Variants in PCDH11X observed in about 807,000 individuals in gnomAD.
PCDH11X encodes protocadherin 11 X-linked.
A neutral mutation model predicts 53.3 loss-of-function variants in PCDH11X; 18 were observed. The ratio of observed to expected loss-of-function variants is 0.34; its 90% CI spans 0.23 to 0.50. The LOEUF is 0.50. Among genes scored for constraint, PCDH11X ranks in the 20% least tolerant of loss-of-function variants. The probability of loss-of-function intolerance (pLI) is 0.98; values close to 1 mark genes in which losing one functional copy is unlikely to be tolerated. For synonymous variants in PCDH11X, 279 were observed against 393.3 expected, an observed-to-expected ratio of 0.71 and a Z score of 3.44; for missense variants, 570 against 1,032.4, an observed-to-expected ratio of 0.55 and a Z score of 6.14.
At chrX:91,983,750 G>T (rs1231372387) in intron 6 of PCDH11X, among the ~76,000 whole-genome samples, 1 of 111,471 alleles carries the variant, frequency 9.0e-6, no homozygotes, top group East Asian at 2.8e-4. Flanking sequence ...GATGAGATTT[G>T]GGTGGGGACA....
chrX:92,022,866 C>T (rs1370725853), intron 6 of PCDH11X, among the ~76,000 whole-genome samples: 1 of 110,175 alleles, frequency 9.1e-6, no homozygotes. Flanking sequence ...AAGAAACTCA[C>T]TCAAAACTGC....
intron 1 of PCDH11X, among the ~76,000 whole-genome samples, chrX:91,808,158 T>A (rs1936178539): frequency 9.1e-6 from 1 of 110,281 alleles, no homozygotes; most frequent in African/African-American, 3.3e-5. Context: ...GTAGATAATA[T>A]TAACTTTTAT....
intron 6 of PCDH11X, among the ~76,000 whole-genome samples, chrX:92,114,993 C>T (rs773329262): frequency 1.2e-4 from 13 of 110,355 alleles, no homozygotes; most frequent in Non-Finnish European, 2.3e-4. Context: ...CTACCATGCC[C>T]GGCTGGGGTT....
chrX:92,136,642 G>C (rs1478284842), intron 6 of PCDH11X, among the ~76,000 whole-genome samples: 1 of 103,142 alleles, frequency 9.7e-6, no homozygotes, highest in African/African-American at 3.6e-5. Flanking sequence ...CAAAAGACAT[G>C]ATGGGGCCCC....
intron 6 of PCDH11X, among the ~76,000 whole-genome samples, chrX:92,033,479 A>G (rs1197691564): frequency 1.9e-5 from 2 of 107,857 alleles, no homozygotes; most frequent in Admixed American, 2.0e-4. Context: ...TGTAGGTTGT[A>G]TGTGTCTATG....
intron 9 of PCDH11X, among the ~76,000 whole-genome samples, chrX:92,467,177 C>A (rs2073172418): frequency 9.0e-6 from 1 of 111,045 alleles, no homozygotes; most frequent in Non-Finnish European, 1.9e-5. Context: ...CATTAAATTA[C>A]ATTGCATACA....
At chrX:92,265,159 TC>T (rs1303365073) in intron 8 of PCDH11X, among the ~76,000 whole-genome samples, 1 of 109,254 alleles carries the variant, frequency 9.2e-6, no homozygotes, top group African/African-American at 3.3e-5. Context: ...AGCTTTGAAC[TC>T]CCAGGCTCAA....
At chrX:92,077,755 G>C (rs1387675783) in intron 6 of PCDH11X, among the ~76,000 whole-genome samples, 2 of 110,687 alleles carry the variant, frequency 1.8e-5, no homozygotes, top group Non-Finnish European at 3.8e-5. Flanking sequence ...GAAACATATA[G>C]GAGTATTCCT....
intron 1 of PCDH11X, among the ~76,000 whole-genome samples, chrX:91,792,445 A>G (rs1370811053): frequency 3.6e-5 from 4 of 110,392 alleles, no homozygotes; most frequent in Middle Eastern, 4.3e-3. Flanking sequence ...AAAATATTAC[A>G]TAACTGGATG....
At chrX:92,147,969 C>T in intron 6 of PCDH11X, among the ~76,000 whole-genome samples, 1 of 79,799 alleles carries the variant, frequency 1.3e-5, no homozygotes, top group African/African-American at 6.3e-5. Context: ...CTTTCCCTTC[C>T]TTCCTTCCTT....
chrX:92,562,664 T>C (rs1245718446), intron 10 of PCDH11X, among the ~76,000 whole-genome samples: 1 of 110,563 alleles, frequency 9.0e-6, no homozygotes, highest in African/African-American at 3.3e-5. Flanking sequence ...GGCCAAATCT[T>C]GAATGCTTTG....
intron 9 of PCDH11X, among the ~76,000 whole-genome samples, chrX:92,402,601 G>A (rs144401463): frequency 6.3e-5 from 7 of 111,656 alleles, no homozygotes; most frequent in Admixed American, 9.6e-5. Context: ...AAGCTGGACC[G>A]CTTCCTTACA....
chrX:92,205,703 C>A (rs1297046429), intron 7 of PCDH11X, among the ~76,000 whole-genome samples: 1 of 106,393 alleles, frequency 9.4e-6, no homozygotes, highest in Non-Finnish European at 1.9e-5. Flanking sequence ...CATGTTCAAG[C>A]GATTCTCCTG....
Position 92,570,581 on chromosome X carries a change from A to G in PCDH11X, c.3368-47683A>G, listed in dbSNP as rs762718263. Reference sequence around the variant, plus strand: ...TCATTATAGCATTAGGGTAGGAGGGAGAGAGAAGATAATTTTTTAAATGTC... The same window carrying G: ...TCATTATAGCATTAGGGTAGGAGGGGGAGAGAAGATAATTTTTTAAATGTC... On this transcript the variant is annotated intron_variant, in intron 10 of 10. Transcript: ENST00000682573. Among the ~76,000 whole-genome samples the G allele has an allele frequency of 6.9e-4, 70 of 100,962 alleles. 1 individual carries two copies. The highest frequency in any genetic ancestry group is 1.3e-3 in the Non-Finnish European group (64 of 49,997). 87.7% of individuals were successfully genotyped at this position (100,962 alleles called of 115,157 possible). A position where few individuals can be genotyped will look rare whatever the true frequency, so the allele number is the denominator to read the frequency against.
At chrX:91,882,417 A>T (rs1357822562) in intron 6 of PCDH11X, among the ~76,000 whole-genome samples, 1 of 110,555 alleles carries the variant, frequency 9.0e-6, no homozygotes, top group African/African-American at 3.3e-5. Context: ...AACTGCCAAA[A>T]CCAAGTCTTG....
At chrX:92,330,348 C>T (rs1334811969) in intron 8 of PCDH11X, among the ~76,000 whole-genome samples, 2 of 110,918 alleles carry the variant, frequency 1.8e-5, no homozygotes, top group Admixed American at 9.6e-5. Flanking sequence ...CACATTAAAA[C>T]GTGCACATTA....
chrX:92,067,902 T>C (rs1436114509), intron 6 of PCDH11X, among the ~76,000 whole-genome samples: 2 of 111,396 alleles, frequency 1.8e-5, no homozygotes, highest in East Asian at 5.7e-4. Flanking sequence ...AGGTTGTATG[T>C]GTCTAGGAAT....
chrX:92,314,429 A>C (rs1322153562), intron 8 of PCDH11X, among the ~76,000 whole-genome samples: 1 of 111,570 alleles, frequency 9.0e-6, no homozygotes, highest in Non-Finnish European at 1.9e-5. Flanking sequence ...ACTCTTCTAC[A>C]ACTAATTTCT....
In PCDH11X at chrX:92,256,091, G is replaced by A. The variant is rs369344495; in HGVS notation, c.3115-7023G>A. ...CTGTGCTAGCAATCAGCGAGACTCCGTGGGGTAGGACCCTCCGAGCCAGGT... is the reference window on the plus strand; with the variant it reads ...CTGTGCTAGCAATCAGCGAGACTCCATGGGGTAGGACCCTCCGAGCCAGGT... On this transcript the variant is annotated intron_variant, in intron 7 of 10. Transcript: ENST00000682573. Among the ~76,000 whole-genome samples, 32 of 112,245 alleles carry A rather than the reference G, an allele frequency of 2.9e-4. No homozygotes were observed. The East Asian group carries it at 5.7e-3, about 20-fold the overall frequency.
Sources: allele counts gnomAD v4.1 joint callset (sites outside exome capture counted in the v4.1 genomes callset), GRCh38; gene constraint gnomAD v4.1.1; transcripts MANE v1.5; gene names NCBI Gene and HGNC (gene_info 2026-07-23, HGNC 2026-07-21).